The following NPAS3 variants were observed in gnomAD, a reference collection of about 807,000 sequenced individuals.
The protein encoded by NPAS3 is neuronal PAS domain-containing protein 3.
Under a neutral mutation model 73.1 loss-of-function variants are expected in NPAS3, and 14 were observed. That is an observed-to-expected ratio of 0.19 (90% CI 0.13 to 0.30). The LOEUF is 0.30. Ranked by LOEUF, NPAS3 falls within the 10% of genes least tolerant of loss-of-function variation. The pLI, the probability that NPAS3 is intolerant of heterozygous loss-of-function variation, is 1.00. For missense variants in NPAS3, 1,096 were observed against 1,250.0 expected (o/e 0.88, Z 1.86); for synonymous variants, 620 against 541.5 (o/e 1.14, Z -2.01).
chr14:33,300,597 G>T (rs1414299207), intron 3 of NPAS3, among the ~76,000 whole-genome samples: 1 of 152,216 alleles, frequency 6.6e-6, no homozygotes, highest in Non-Finnish European at 1.5e-5. Context: ...GGGACCCACA[G>T]GAGGAGTGGG....
At chr14:33,792,097 G>A (rs1024129736) in intron 9 of NPAS3, among the ~76,000 whole-genome samples, 1 of 152,160 alleles carries the variant, frequency 6.6e-6, no homozygotes, top group Non-Finnish European at 1.5e-5. Context: ...TTTGACAGAA[G>A]AGCTGTATGG....
chr14:32,964,296 A>G lies in NPAS3; in HGVS notation c.50+24930A>G, dbSNP rs143293641. On this transcript the variant is annotated intron_variant, in intron 1 of 11. Coordinates refer to ENST00000356141, the Ensembl canonical transcript of NPAS3. ...ACTCTATGGGGTAGGTGTTATAGCC[A>G]CTTTATAAATGAGGATGTGAGGAAC... is the stretch of plus-strand genomic sequence containing the variant. Among the ~76,000 whole-genome samples, 57 of 151,998 alleles carry G rather than the reference A, an allele frequency of 3.8e-4. 1 individual carries two copies. The highest frequency in any genetic ancestry group is 1.3e-3 in the African/African-American group (54 of 41,494).
At chr14:33,143,478 C>T (rs1009630941) in intron 2 of NPAS3, among the ~76,000 whole-genome samples, 9 of 151,594 alleles carry the variant, frequency 5.9e-5, no homozygotes, top group South Asian at 2.1e-4. Context: ...GCAACAAGAA[C>T]GAAACTCTGT....
At chr14:33,676,380 A>G (rs1477185548) in exon 6 of NPAS3, 1 of 1,562,706 alleles carries the variant, frequency 6.4e-7, no homozygotes, top group Non-Finnish European at 8.6e-7. Context: ...GAGACCCCCG[A>G]GCCAGGTGGG....
chr14:32,957,255 A>G (rs1321563419), intron 1 of NPAS3, among the ~76,000 whole-genome samples: 1 of 152,106 alleles, frequency 6.6e-6, no homozygotes, highest in Non-Finnish European at 1.5e-5. Flanking sequence ...TTTCACTGTT[A>G]TTATATATTA....
chr14:33,777,490 CAT>C (rs1595595811), intron 8 of NPAS3, among the ~76,000 whole-genome samples: 1 of 151,428 alleles, frequency 6.6e-6, no homozygotes, highest in Non-Finnish European at 1.5e-5. Context: ...ACAATGATCA[CAT>C]GTGTTTCTTA....
chr14:33,306,287 T>A (rs1230858363), intron 3 of NPAS3, among the ~76,000 whole-genome samples: 1 of 152,174 alleles, frequency 6.6e-6, no homozygotes, highest in Non-Finnish European at 1.5e-5. Context: ...ATAAATAACA[T>A]TTTTCTCATA....
At chr14:33,401,473 G>C (rs2047442369) in intron 4 of NPAS3, among the ~76,000 whole-genome samples, 1 of 151,946 alleles carries the variant, frequency 6.6e-6, no homozygotes, top group Non-Finnish European at 1.5e-5. Flanking sequence ...GAGTCTCTTA[G>C]GAAAACAATT....
At chr14:33,301,323 T>TATATATATATATATA (rs1555370644) in intron 3 of NPAS3, among the ~76,000 whole-genome samples, 17 of 81,558 alleles carry the variant, frequency 2.1e-4, no homozygotes, top group Admixed American at 2.8e-4. Flanking sequence ...TATATATATA[T>TATATATATATATATA]TTTTTTTTTT....
chr14:33,100,765 G>A (rs916214862), intron 2 of NPAS3, among the ~76,000 whole-genome samples: 7 of 152,130 alleles, frequency 4.6e-5, no homozygotes, highest in African/African-American at 1.7e-4. Context: ...TTTAATAAAT[G>A]TGGGAATTAT....
chr14:33,795,001 C>A (rs1387933081), intron 10 of NPAS3, among the ~76,000 whole-genome samples: 1 of 152,124 alleles, frequency 6.6e-6, no homozygotes, highest in African/African-American at 2.4e-5. Flanking sequence ...AAGTTGGTGC[C>A]CTTTGGCTGA....
At chr14:33,394,434 C>G (rs1317565538) in intron 4 of NPAS3, among the ~76,000 whole-genome samples, 1 of 152,138 alleles carries the variant, frequency 6.6e-6, no homozygotes, top group African/African-American at 2.4e-5. Flanking sequence ...AAATATAGTG[C>G]TTAGCAAAGC....
chr14:32,984,656 A>G (rs1310242479), intron 1 of NPAS3, among the ~76,000 whole-genome samples: 3 of 152,224 alleles, frequency 2.0e-5, no homozygotes, highest in Non-Finnish European at 4.4e-5. Flanking sequence ...GATAGCAGGA[A>G]TACTATTGTG....
At chr14:33,574,569 A>G (rs2056358866) in intron 5 of NPAS3, among the ~76,000 whole-genome samples, 1 of 151,904 alleles carries the variant, frequency 6.6e-6, no homozygotes, top group Admixed American at 6.6e-5. Flanking sequence ...GGTGGCAAAG[A>G]AAGGAGGTGA....
chr14:33,793,800 C>T, intron 9 of NPAS3, 97 bp from the exon 10 acceptor site: 2 of 1,210,976 alleles, frequency 1.7e-6, no homozygotes, highest in East Asian at 2.4e-5. Flanking sequence ...TAGGTCCTCC[C>T]ATTTTTAGGC....
At chr14:33,220,398 T>G (rs1400353956) in intron 3 of NPAS3, among the ~76,000 whole-genome samples, 1 of 152,254 alleles carries the variant, frequency 6.6e-6, no homozygotes, top group Non-Finnish European at 1.5e-5. Context: ...GGAAATGTGA[T>G]GTATTTGCCT....
intron 3 of NPAS3, among the ~76,000 whole-genome samples, chr14:33,223,884 G>T (rs1014496884): frequency 6.6e-6 from 1 of 151,800 alleles, no homozygotes; most frequent in African/African-American, 2.4e-5. Flanking sequence ...TTGAGCATGT[G>T]TAATCATTAT....
At chr14:33,742,177 T>C (rs999833763) in intron 7 of NPAS3, among the ~76,000 whole-genome samples, 4 of 152,202 alleles carry the variant, frequency 2.6e-5, no homozygotes, top group Non-Finnish European at 4.4e-5. Context: ...GTCATTTTTC[T>C]TCAGGCTTTG....
At chr14:33,270,841 A>T (rs536578940) in intron 3 of NPAS3, among the ~76,000 whole-genome samples, 7 of 152,304 alleles carry the variant, frequency 4.6e-5, no homozygotes, top group African/African-American at 1.2e-4. Context: ...TTGAGAAGTG[A>T]ACACCTTTCT....
Sources: gnomAD v4.1 joint callset for allele counts (sites outside exome capture counted in the v4.1 genomes callset) on GRCh38, gnomAD v4.1.1 for gene constraint, MANE v1.5 for transcripts, NCBI Gene and HGNC (gene_info 2026-07-23, HGNC 2026-07-21) for gene names.